Variants in GML observed in about 807,000 individuals in gnomAD.
GML encodes the protein glycosyl-phosphatidylinositol-anchored molecule-like protein.
In GML, 5 loss-of-function variants were observed where a neutral mutation model predicts 8.2. That is an observed-to-expected ratio of 0.61 (90% CI 0.32 to 1.28). The LOEUF is 1.28. GML is among the 50% of genes most tolerant of loss of function. GML has a pLI of 0.06. For synonymous variants in GML, 72 were observed against 69.0 expected (o/e 1.04, Z -0.22); for missense variants, 191 against 198.3 (o/e 0.96, Z 0.22).
In GML at chr8:142,846,381, G is replaced by C; in HGVS notation, c.182-14G>C. The C allele has an allele frequency of 6.4e-7, 1 of 1,552,228 alleles. No homozygotes were observed. Among genetic ancestry groups the C allele is most frequent in the South Asian group, 1.1e-5 (1 of 87,156 alleles). On this transcript the variant is annotated splice_polypyrimidine_tract_variant and intron_variant, in intron 3 of 3. Transcript: ENST00000220940. ...TGTGAAATCAATTATTTTCATTGCT[G>C]CTTCTTTTTTTAGGCATAAATTCTC...
chr8:142,835,193 G>C (rs371095688), intron 1 of GML, among the ~76,000 whole-genome samples: 87 of 138,028 alleles, frequency 6.3e-4, no homozygotes, highest in African/African-American at 2.0e-3. Context: ...GACCTCTCGA[G>C]CTCCACTCCC....
intron 3 of GML, among the ~76,000 whole-genome samples, chr8:142,842,916 G>C (rs1315389301): frequency 6.6e-6 from 1 of 152,170 alleles, no homozygotes; most frequent in Non-Finnish European, 1.5e-5. Context: ...AGCCTTACCT[G>C]ACTGACTTCC....
At chr8:142,840,877 A>G (rs1816421975) in intron 2 of GML, among the ~76,000 whole-genome samples, 2 of 152,160 alleles carry the variant, frequency 1.3e-5, no homozygotes, top group Non-Finnish European at 2.9e-5. Context: ...TGTGACCACC[A>G]GTGGCGCTCT....
intron 1 of GML, among the ~76,000 whole-genome samples, chr8:142,838,560 T>C (rs1220731778): frequency 1.4e-4 from 21 of 152,224 alleles, no homozygotes; most frequent in Non-Finnish European, 7.3e-5. Context: ...CCAGACTGAC[T>C]GTTGAGAAAG....
At chr8:142,835,954 G>T (rs941963465) in intron 1 of GML, among the ~76,000 whole-genome samples, 1 of 152,222 alleles carries the variant, frequency 6.6e-6, no homozygotes, top group Non-Finnish European at 1.5e-5. Context: ...TAGTGGGTCT[G>T]CTGATAATAA....
chr8:142,843,039 A>G (rs535467928), intron 3 of GML, among the ~76,000 whole-genome samples: 1 of 152,328 alleles, frequency 6.6e-6, no homozygotes, highest in East Asian at 1.9e-4. Context: ...ATATTAGGAC[A>G]AAGAAATTGG....
chr8:142,844,419 A>G (rs1816478690), intron 3 of GML, among the ~76,000 whole-genome samples: 1 of 152,204 alleles, frequency 6.6e-6, no homozygotes, highest in Admixed American at 6.5e-5. Context: ...ATCGAACAAA[A>G]TAGTGCTAGT....
intron 3 of GML, among the ~76,000 whole-genome samples, chr8:142,843,036 G>T (rs1816456565): frequency 6.6e-6 from 1 of 152,126 alleles, no homozygotes; most frequent in African/African-American, 2.4e-5. Context: ...TGGATATTAG[G>T]ACAAAGAAAT....
intron 3 of GML, among the ~76,000 whole-genome samples, 180 bp downstream of exon 3, chr8:142,841,405 G>T (rs564545103): frequency 2.6e-5 from 4 of 152,262 alleles, no homozygotes; most frequent in African/African-American, 9.6e-5. Context: ...AGGCCAGCAT[G>T]CATCATCTTG....
chr8:142,835,762 C>T (rs1169385070), intron 1 of GML, among the ~76,000 whole-genome samples: 2 of 152,116 alleles, frequency 1.3e-5, no homozygotes, highest in Non-Finnish European at 2.9e-5. Flanking sequence ...TCTCAGTGTC[C>T]GAAACTGCAT....
chr8:142,840,573 C>T, intron 2 of GML, 63 bp downstream of exon 2: 10 of 1,190,532 alleles, frequency 8.4e-6, no homozygotes, highest in Non-Finnish European at 1.1e-5. Flanking sequence ...TGCTGGGGGT[C>T]ACTGGGATGA....
intron 3 of GML, among the ~76,000 whole-genome samples, chr8:142,842,608 A>C (rs753065276): frequency 3.4e-4 from 52 of 152,218 alleles, no homozygotes; most frequent in Non-Finnish European, 6.5e-4. Context: ...GGTTTAGTGA[A>C]GTGAAGGACA....
intron 1 of GML, 87 bp downstream of exon 1, chr8:142,834,955 T>C (rs993125353): frequency 8.6e-6 from 1 of 115,780 alleles, no homozygotes; most frequent in Non-Finnish European, 1.8e-5. Flanking sequence ...CGTCAGCTGC[T>C]TGGGCCGCCA....
At chr8:142,840,610 G>A (rs571037492) in intron 2 of GML, 100 bp downstream of exon 2, 16 of 821,408 alleles carry the variant, frequency 1.9e-5, no homozygotes, top group East Asian at 7.4e-5. Flanking sequence ...GCAAGCCTCC[G>A]TTAGCTGGGG....
At chr8:142,840,368 A>G in intron 1 of GML, 48 bp from the exon 2 acceptor site, 2 of 1,224,832 alleles carry the variant, frequency 1.6e-6, no homozygotes, top group Non-Finnish European at 1.2e-6. Flanking sequence ...AGAGCTGGCC[A>G]AGGAGCCATG....
At chr8:142,839,342 G>A (rs1469376380) in intron 1 of GML, among the ~76,000 whole-genome samples, 1 of 152,184 alleles carries the variant, frequency 6.6e-6, no homozygotes, top group Non-Finnish European at 1.5e-5. Flanking sequence ...AGGGCTAGGG[G>A]CATTTTGAAT....
In GML at chr8:142,846,651, GAGTT is replaced by G. The variant is rs762611954; in HGVS notation, c.439_442del (p.Ser147LeufsTer5). 1 of 1,614,044 alleles carries G rather than the reference GAGTT, an allele frequency of 6.2e-7. No individual in the cohort carries two copies. Among genetic ancestry groups the G allele is most frequent in the Non-Finnish European group, 8.5e-7 (1 of 1,179,940 alleles). On this transcript the variant is annotated frameshift_variant, in exon 4 of 4. Coordinates refer to ENST00000220940, the MANE Select transcript of GML (RefSeq NM_002066.3). LOFTEE classifies it low-confidence loss of function (END_TRUNC). The stretch of plus-strand genomic sequence containing the variant: ...GGCTGGGGGTATCAAAACTGTTGCT[GAGTT>G]TTGCCTCTATCATAGTCAGCAATAT...
At position 142,842,875 on chromosome 8, in the gene GML, C is replaced by A. The variant is rs187972159; in HGVS notation, c.181+1650C>A. ...TCCAGCCTGCCCCAGTGTAAGTGAC[C>A]TAGCTCTGGACTGTTGTTCCTCTGA... On this transcript the variant is annotated intron_variant, in intron 3 of 3. Coordinates refer to ENST00000220940, the MANE Select transcript of GML (RefSeq NM_002066.3). 3.9e-5 allele frequency among the ~76,000 whole-genome samples: 6 copies of A among 152,328 alleles called. No homozygotes were observed. The East Asian group carries it at 1.2e-3, about 29-fold the overall frequency.
At chr8:142,842,490 A>G (rs1261220869) in intron 3 of GML, among the ~76,000 whole-genome samples, 2 of 152,196 alleles carry the variant, frequency 1.3e-5, no homozygotes, top group Non-Finnish European at 2.9e-5. Context: ...GCTGAGAACT[A>G]TCTTTCCCAT....
Sources: allele counts gnomAD v4.1 joint callset (sites outside exome capture counted in the v4.1 genomes callset), GRCh38; gene constraint gnomAD v4.1.1; transcripts MANE v1.5; gene names NCBI Gene and HGNC (gene_info 2026-07-23, HGNC 2026-07-21).